PCDH15: variants seen among roughly 807,000 people sequenced by gnomAD.
PCDH15 encodes protocadherin related 15, also known as protocadherin-15.
In PCDH15, 129 loss-of-function variants were observed where a neutral mutation model predicts 178.5. The ratio of observed to expected loss-of-function variants is 0.72; its 90% CI spans 0.63 to 0.84. The LOEUF (loss-of-function observed/expected upper bound fraction) is 0.84, where lower values mean the gene tolerates loss of function less well. Ranked by LOEUF, PCDH15 falls within the 40% of genes least tolerant of loss-of-function variation. The probability of loss-of-function intolerance (pLI) is 0.00; values close to 1 mark genes in which losing one functional copy is unlikely to be tolerated. For missense variants in PCDH15, 2,230 were observed against 2,099.9 expected (o/e 1.06, Z -1.21); for synonymous variants, 800 against 732.0 (o/e 1.09, Z -1.50).
chr10:53,942,434 G>A (rs952779714), intron 23 of PCDH15, among the ~76,000 whole-genome samples: 1 of 152,090 alleles, frequency 6.6e-6, no homozygotes, highest in South Asian at 2.1e-4. Flanking sequence ...GGTCAATGGG[G>A]GCATTTTATC....
chr10:54,140,537 C>T (rs2043303011), intron 14 of PCDH15, among the ~76,000 whole-genome samples: 1 of 151,702 alleles, frequency 6.6e-6, no homozygotes, highest in African/African-American at 2.4e-5. Context: ...GGAGTGATCT[C>T]AGCTCACTGC....
chr10:54,926,737 C>A (rs1837637958), intron 2 of PCDH15, among the ~76,000 whole-genome samples: 1 of 151,964 alleles, frequency 6.6e-6, no homozygotes, highest in Admixed American at 6.6e-5. Context: ...AGTTTATGTG[C>A]ACAGATGTGT....
intron 26 of PCDH15, among the ~76,000 whole-genome samples, chr10:53,867,381 T>C (rs1189958083): frequency 6.6e-6 from 1 of 152,086 alleles, no homozygotes; most frequent in East Asian, 1.9e-4. Flanking sequence ...AGAAGAAGGA[T>C]ATCGAATTTT....
At chr10:55,453,095 A>G (rs1262405794) in intron 2 of PCDH15, among the ~76,000 whole-genome samples, 1 of 152,226 alleles carries the variant, frequency 6.6e-6, no homozygotes, top group African/African-American at 2.4e-5. Context: ...TCTAAAAGTA[A>G]GAACTAGTCT....
At chr10:53,840,297 T>A (rs1160963543) in intron 29 of PCDH15, 23 bp downstream of exon 29, 3 of 1,610,322 alleles carry the variant, frequency 1.9e-6, no homozygotes, top group Non-Finnish European at 2.5e-6. Flanking sequence ...AAAGAGCTGT[T>A]ACAGATAACA....
intron 2 of PCDH15, among the ~76,000 whole-genome samples, chr10:54,599,512 T>C (rs552083813): frequency 6.6e-6 from 1 of 152,196 alleles, no homozygotes; most frequent in East Asian, 1.9e-4. Flanking sequence ...CAATTCAAAA[T>C]GTATTAAATA....
At chr10:54,716,238 G>A (rs1209757147) in intron 1 of PCDH15, among the ~76,000 whole-genome samples, 1 of 152,126 alleles carries the variant, frequency 6.6e-6, no homozygotes, top group Non-Finnish European at 1.5e-5. Flanking sequence ...CCCATGGTCT[G>A]AGGCAACAGA....
At chr10:54,351,235 A>G (rs967171809) in intron 5 of PCDH15, among the ~76,000 whole-genome samples, 1 of 152,196 alleles carries the variant, frequency 6.6e-6, no homozygotes, top group African/African-American at 2.4e-5. Context: ...CTTTAATGCT[A>G]TATCTCAAAA....
At chr10:54,068,478 G>A (rs996352922) in intron 17 of PCDH15, among the ~76,000 whole-genome samples, 5 of 152,068 alleles carry the variant, frequency 3.3e-5, no homozygotes, top group Non-Finnish European at 5.9e-5. Flanking sequence ...GATAGTAGAT[G>A]GTTATACAGG....
At chr10:54,752,504 AACAAAAAACAAACAAACAAACAAAC>A (rs1946443501) in intron 1 of PCDH15, among the ~76,000 whole-genome samples, 1 of 83,670 alleles carries the variant, frequency 1.2e-5, no homozygotes, top group Non-Finnish European at 2.7e-5. Context: ...AAAAACAAAA[AACAAAAAACAAACAAACAAACAAAC>A]AAAAAAAAAC....
chr10:54,632,236 A>T (rs2093722576), intron 2 of PCDH15, among the ~76,000 whole-genome samples: 1 of 152,112 alleles, frequency 6.6e-6, no homozygotes, highest in South Asian at 2.1e-4. Flanking sequence ...ATTATTGGGT[A>T]CACATGGACA....
intron 2 of PCDH15, among the ~76,000 whole-genome samples, chr10:55,518,389 T>C (rs1841071728): frequency 6.6e-6 from 1 of 152,122 alleles, no homozygotes; most frequent in Non-Finnish European, 1.5e-5. Context: ...GCAGGAGCAC[T>C]GTCATCTCAG....
chr10:55,595,696 C>T (rs1440287444), intron 2 of PCDH15, among the ~76,000 whole-genome samples: 2 of 151,968 alleles, frequency 1.3e-5, no homozygotes, highest in Non-Finnish European at 2.9e-5. Context: ...GAGAATTCAT[C>T]CTGGCGTTAA....
chr10:54,752,496 A>C lies in PCDH15; in HGVS notation c.-29+48429T>G, dbSNP rs1161523703. Among the ~76,000 whole-genome samples, 40 of 85,748 alleles carry C rather than the reference A, an allele frequency of 4.7e-4. 2 individuals are homozygous for C. The highest frequency in any genetic ancestry group is 1.5e-3 in the African/African-American group (36 of 24,320). The allele number at this position is 85,748 out of a possible 152,430, so 56.3% of individuals were successfully genotyped here. A position where few individuals can be genotyped will look rare whatever the true frequency, so the allele number is the denominator to read the frequency against. On this transcript the variant is annotated intron_variant, in intron 1 of 37. Transcript: ENST00000644397. ...CGTCTCAAAAAAAAAAAAAAACAAAAAACAAAAAACAAAAAACAAACAAAC... is the reference window on the plus strand; with the variant it reads ...CGTCTCAAAAAAAAAAAAAAACAAACAACAAAAAACAAAAAACAAACAAAC...
intron 14 of PCDH15, among the ~76,000 whole-genome samples, chr10:54,149,528 T>C (rs545283153): frequency 6.6e-6 from 1 of 152,206 alleles, no homozygotes; most frequent in East Asian, 1.9e-4. Flanking sequence ...GTGCCACAAC[T>C]GGAATGGACT....
intron 2 of PCDH15, among the ~76,000 whole-genome samples, chr10:55,050,701 C>A (rs1423923150): frequency 6.6e-6 from 1 of 151,928 alleles, no homozygotes; most frequent in Non-Finnish European, 1.5e-5. Context: ...CCTTAAAATC[C>A]CTTCTTATCT....
intron 2 of PCDH15, among the ~76,000 whole-genome samples, chr10:54,580,952 A>G (rs1229421968): frequency 6.6e-6 from 1 of 152,076 alleles, no homozygotes; most frequent in African/African-American, 2.4e-5. Flanking sequence ...GAACATACCT[A>G]AAAATAATAA....
intron 5 of PCDH15, among the ~76,000 whole-genome samples, chr10:54,353,149 T>C (rs1944430832): frequency 6.6e-6 from 1 of 152,204 alleles, no homozygotes; most frequent in Non-Finnish European, 1.5e-5. Flanking sequence ...ATTGTTTCTG[T>C]GACCATTATA....
chr10:55,317,152 C>T (rs1046599712), intron 1 of PCDH15, among the ~76,000 whole-genome samples: 9 of 152,114 alleles, frequency 5.9e-5, no homozygotes, highest in African/African-American at 2.2e-4. Flanking sequence ...GAAACTGAGC[C>T]TTAATTTCAA....
Sources: gnomAD v4.1 joint callset for allele counts (sites outside exome capture counted in the v4.1 genomes callset) on GRCh38, gnomAD v4.1.1 for gene constraint, MANE v1.5 for transcripts, NCBI Gene and HGNC (gene_info 2026-07-23, HGNC 2026-07-21) for gene names.